Variants in FBXL2 observed in about 807,000 individuals in gnomAD.
FBXL2 encodes F-box/LRR-repeat protein 2.
In FBXL2, 38 loss-of-function variants were observed where a neutral mutation model predicts 69.2. The ratio of observed to expected loss-of-function variants is 0.55; its 90% CI spans 0.42 to 0.72. The LOEUF (loss-of-function observed/expected upper bound fraction) is 0.72, where lower values mean the gene tolerates loss of function less well. FBXL2 is among the 30% of genes least tolerant of loss of function. FBXL2 has a pLI of 0.00. For synonymous variants in FBXL2, 192 were observed against 201.3 expected, an observed-to-expected ratio of 0.95 and a Z score of 0.39; for missense variants, 354 against 520.3, an observed-to-expected ratio of 0.68 and a Z score of 3.11.
chr3:33,298,696 CAAAAAAAA>C (rs1158732530), intron 2 of FBXL2, among the ~76,000 whole-genome samples: 8 of 47,274 alleles, frequency 1.7e-4, no homozygotes, highest in Admixed American at 1.6e-3. Context: ...AACTCTGTCT[CAAAAAAAA>C]AAAAAAAAAA....
chr3:33,322,280 G>A (rs532193574), intron 2 of FBXL2, among the ~76,000 whole-genome samples: 2 of 151,832 alleles, frequency 1.3e-5, no homozygotes, highest in South Asian at 2.1e-4. Context: ...GGGTTTTACC[G>A]TGTTAGCCAC....
chr3:33,336,983 T>C (rs1314738418), intron 2 of FBXL2, among the ~76,000 whole-genome samples: 1 of 151,938 alleles, frequency 6.6e-6, no homozygotes, highest in Non-Finnish European at 1.5e-5. Context: ...GGTGGGCGGA[T>C]TGCCTGAGCT....
At position 33,359,356 on chromosome 3, in the gene FBXL2, A is replaced by C; in HGVS notation, c.194A>C (p.Glu65Ala). The change falls in exon 4 of 15, where the codon GAG becomes GCG. Residue 65 changes from glutamate (E) to alanine (A), a missense_variant and splice_region_variant. By Grantham distance (107) the Glu-to-Ala change is moderately radical. Transcript: ENST00000484457. ...CTTTTTAACTTTCAAACAGATGTAG[A>C]GGTAAGTTAGCTTTGGTTTAGACAA... is the stretch of plus-strand genomic sequence containing the variant. The part of the protein sequence containing the change: ...IDLFNFQTDV[E>A]GRVVENISKR... 6.2e-7 allele frequency: 1 copy of C among 1,609,992 alleles called. No homozygotes were observed. The highest frequency in any genetic ancestry group is 8.5e-7 in the Non-Finnish European group (1 of 1,177,164).
intron 2 of FBXL2, among the ~76,000 whole-genome samples, chr3:33,349,341 T>A (rs532222422): frequency 2.0e-5 from 3 of 152,304 alleles, no homozygotes; most frequent in South Asian, 4.1e-4. Context: ...TGGTGCTTTT[T>A]CAGTATCAAT....
intron 2 of FBXL2, among the ~76,000 whole-genome samples, chr3:33,339,760 C>G (rs1228118272): frequency 1.3e-5 from 2 of 152,190 alleles, no homozygotes; most frequent in Non-Finnish European, 2.9e-5. Context: ...ACCCTTTAGT[C>G]TAACAGTTTC....
At position 33,373,243 on chromosome 3, in the gene FBXL2, C is replaced by T. The variant is rs763039208; in HGVS notation, c.360-17C>T. On this transcript the variant is annotated splice_polypyrimidine_tract_variant and intron_variant, in intron 6 of 14. Coordinates refer to ENST00000484457, the MANE Select transcript of FBXL2 (RefSeq NM_012157.5). Reference sequence around the variant, plus strand: ...AACGTGGTTGAAAATATCTTTAGTGCGTCTGCTCTTTTTCAGCACGTGTTA... The same window carrying T: ...AACGTGGTTGAAAATATCTTTAGTGTGTCTGCTCTTTTTCAGCACGTGTTA... 10 of 1,613,020 alleles carry T rather than the reference C, an allele frequency of 6.2e-6. No individual in the cohort carries two copies. The highest frequency in any genetic ancestry group is 2.2e-5 in the South Asian group (2 of 91,040).
In FBXL2 at chr3:33,296,399, A is replaced by AT. The variant is rs1043441816; in HGVS notation, c.4-1257dup. Reference sequence around the variant, plus strand: ...TGTTTTGATGAAGTCCAGTTTATCAATTTTTTTTGGATGTTTATGCTTTCA... The same window carrying AT: ...TGTTTTGATGAAGTCCAGTTTATCAATTTTTTTTTGGATGTTTATGCTTTCA... On this transcript the variant is annotated intron_variant, in intron 1 of 14. Transcript: ENST00000484457. Among the ~76,000 whole-genome samples, 79 of 152,044 alleles carry AT rather than the reference A, an allele frequency of 5.2e-4. 1 individual carries two copies. The highest frequency in any genetic ancestry group is 1.8e-3 in the African/African-American group (74 of 41,482).
At chr3:33,396,457 A>C in intron 12 of FBXL2, 1 of 516,000 alleles carries the variant, frequency 1.9e-6, no homozygotes, top group East Asian at 3.0e-5. Context: ...CACACCAACT[A>C]TCACAGGTGG....
chr3:33,348,832 C>A (rs1276582002), intron 2 of FBXL2, among the ~76,000 whole-genome samples: 2 of 152,064 alleles, frequency 1.3e-5, no homozygotes, highest in Admixed American at 1.3e-4. Flanking sequence ...TCTTTCACTT[C>A]TTTGCCTGAT....
intron 2 of FBXL2, among the ~76,000 whole-genome samples, chr3:33,351,190 G>A (rs1341372434): frequency 1.3e-5 from 2 of 151,912 alleles, no homozygotes; most frequent in African/African-American, 2.4e-5. Flanking sequence ...CGCTTGAACC[G>A]GGAGGCAGAG....
intron 12 of FBXL2, chr3:33,396,803 C>T (rs1200112211): frequency 1.5e-6 from 1 of 655,974 alleles, no homozygotes. Flanking sequence ...GAAATCAGTA[C>T]TGCCCATGTG....
In FBXL2 at chr3:33,373,829, T is replaced by G; in HGVS notation, c.583-18T>G. The G allele has an allele frequency of 6.2e-7, 1 of 1,614,158 alleles. No homozygotes were observed. The highest frequency in any genetic ancestry group is 2.2e-5 in the East Asian group (1 of 44,894). ...TCACCTGGATTCCAGCTGTCTTTTG[T>G]TTTCTCTGTCCACTCAGTTAGAAGA... is the stretch of plus-strand genomic sequence containing the variant. On this transcript the variant is annotated intron_variant, in intron 8 of 14. Coordinates refer to ENST00000484457, the MANE Select transcript of FBXL2 (RefSeq NM_012157.5).
intron 1 of FBXL2, among the ~76,000 whole-genome samples, chr3:33,291,011 C>G (rs1388738825): frequency 6.6e-6 from 1 of 151,914 alleles, no homozygotes; most frequent in Non-Finnish European, 1.5e-5. Flanking sequence ...CCGACTATAG[C>G]CTTAATGTCC....
chr3:33,282,160 TA>T (rs2034084056), intron 1 of FBXL2, among the ~76,000 whole-genome samples: 1 of 152,214 alleles, frequency 6.6e-6, no homozygotes, highest in Non-Finnish European at 1.5e-5. Context: ...GGTTTTCTTC[TA>T]GGGTTTTTAT....
At chr3:33,319,651 C>T (rs2038024598) in intron 2 of FBXL2, among the ~76,000 whole-genome samples, 1 of 152,128 alleles carries the variant, frequency 6.6e-6, no homozygotes, top group East Asian at 1.9e-4. Flanking sequence ...AGCATCTATA[C>T]AGTTGATTAT....
intron 2 of FBXL2, among the ~76,000 whole-genome samples, chr3:33,330,954 T>C (rs2039111526): frequency 6.6e-6 from 1 of 151,088 alleles, no homozygotes; most frequent in Non-Finnish European, 1.5e-5. Context: ...TCATATAAAG[T>C]ATATATTATA....
At chr3:33,415,577 C>A in the FBXL2 span, among the ~76,000 whole-genome samples, 692 of 152,192 alleles carry the variant, frequency 4.5e-3, 5 homozygotes, top group African/African-American at 0.016. Context: ...TTGTACCATT[C>A]TCTTTACTTC....
chr3:33,377,261 C>T lies in FBXL2; in HGVS notation c.789-12C>T, dbSNP rs763169360. 3.1e-6 allele frequency: 5 copies of T among 1,613,766 alleles called. No individual in the cohort carries two copies. The South Asian group carries it at 3.3e-5, about 11-fold the overall frequency. ...GGTACCGTTTTCTCCCCTGTACCCACTTTCTCCTCAGAATTTTGGAGGCTG... is the reference window on the plus strand; with the variant it reads ...GGTACCGTTTTCTCCCCTGTACCCATTTTCTCCTCAGAATTTTGGAGGCTG... On this transcript the variant is annotated splice_polypyrimidine_tract_variant and intron_variant, in intron 10 of 14. Transcript: ENST00000484457.
chr3:33,384,576 A>G (rs991140005), intron 14 of FBXL2, among the ~76,000 whole-genome samples: 5 of 152,076 alleles, frequency 3.3e-5, no homozygotes, highest in Non-Finnish European at 7.4e-5. Context: ...AAATCGATCA[A>G]TCAACACTCA....
Sources: gnomAD v4.1 joint callset for allele counts (sites outside exome capture counted in the v4.1 genomes callset) on GRCh38, gnomAD v4.1.1 for gene constraint, MANE v1.5 for transcripts, NCBI Gene and HGNC (gene_info 2026-07-23, HGNC 2026-07-21) for gene names.